AMOTL1: variants seen among roughly 807,000 people sequenced by gnomAD.
The protein encoded by AMOTL1 is angiomotin-like protein 1.
In AMOTL1, 45 loss-of-function variants were observed where a neutral mutation model predicts 102.9. The ratio of observed to expected loss-of-function variants is 0.44; its 90% CI spans 0.34 to 0.56. The LOEUF (loss-of-function observed/expected upper bound fraction) is 0.56. Ranked by LOEUF, AMOTL1 falls within the 20% of genes least tolerant of loss-of-function variation. The pLI is 0.01. For missense variants in AMOTL1, 1,114 were observed against 1,225.6 expected, an observed-to-expected ratio of 0.91 and a Z score of 1.36; for synonymous variants, 481 against 484.7, an observed-to-expected ratio of 0.99 and a Z score of 0.10.
intron 6 of AMOTL1, among the ~76,000 whole-genome samples, chr11:94,837,015 A>G (rs999429627): frequency 6.6e-6 from 1 of 152,162 alleles, no homozygotes; most frequent in Admixed American, 6.6e-5. Context: ...CTACACCATG[A>G]GCAAAGGGGA....
At position 94,795,075 on chromosome 11, in the gene AMOTL1, T is replaced by G. The variant is rs1326649751; in HGVS notation, c.114T>G (p.Phe38Leu). 6.2e-7 allele frequency: 1 copy of G among 1,613,882 alleles called. No individual in the cohort carries two copies. The highest frequency in any genetic ancestry group is 1.7e-5 in the Admixed American group (1 of 60,014). Reference sequence around the variant, plus strand: ...AGGTTCTAGAAGACTCCACCTACTTTTCCCCAGACTTTCAGCTCTATTCTG... The same window carrying G: ...AGGTTCTAGAAGACTCCACCTACTTGTCCCCAGACTTTCAGCTCTATTCTG... ...PVQVLEDSTY[F>L]SPDFQLYSGR... The change falls in exon 2 of 13, where the codon TTT becomes TTG. Residue 38 changes from phenylalanine to leucine, a missense_variant. Transcript: ENST00000433060.
intron 1 of AMOTL1, among the ~76,000 whole-genome samples, chr11:94,792,910 C>T (rs146428749): frequency 5.3e-5 from 8 of 152,178 alleles, no homozygotes; most frequent in Non-Finnish European, 1.0e-4. Context: ...GTTCTTAAAC[C>T]CACTCTTAGT....
intron 3 of AMOTL1, among the ~76,000 whole-genome samples, chr11:94,761,178 TTTC>T (rs1452161984): frequency 1.3e-5 from 2 of 150,078 alleles, no homozygotes; most frequent in East Asian, 4.0e-4. Flanking sequence ...ACTTAATTTT[TTTC>T]TTTTTTCTTT....
At position 94,736,014 on chromosome 11, in the gene AMOTL1, G is replaced by GT. The variant is rs553049973; in HGVS notation, c.86-4923dup. 2.1e-3 allele frequency among the ~76,000 whole-genome samples: 323 copies of GT among 152,256 alleles called. 1 individual carries two copies. The highest frequency in any genetic ancestry group is 7.4e-3 in the African/African-American group (309 of 41,558). On this transcript the variant is annotated intron_variant, in intron 2 of 4. Transcript: ENST00000299004. Reference sequence around the variant, plus strand: ...AGTGACCATTAGACACCAGGCCCCTGTATAATCTGTTTCTATGGTAAACTT... The same window carrying GT: ...AGTGACCATTAGACACCAGGCCCCTGTTATAATCTGTTTCTATGGTAAACTT...
At chr11:94,855,057 T>C (rs1356360755) in intron 8 of AMOTL1, among the ~76,000 whole-genome samples, 1 of 152,120 alleles carries the variant, frequency 6.6e-6, no homozygotes, top group Non-Finnish European at 1.5e-5. Flanking sequence ...TCACCCAGCA[T>C]GATGAGCAGA....
At chr11:94,730,994 G>C (rs1489261036) in intron 2 of AMOTL1, among the ~76,000 whole-genome samples, 1 of 152,176 alleles carries the variant, frequency 6.6e-6, no homozygotes, top group Non-Finnish European at 1.5e-5. Context: ...CTGTAACAAA[G>C]GGGTGGCTAA....
chr11:94,765,000 C>T (rs1950838882), upstream of AMOTL1, among the ~76,000 whole-genome samples: 1 of 152,190 alleles, frequency 6.6e-6, no homozygotes, highest in Non-Finnish European at 1.5e-5. Context: ...TCATTCTCCT[C>T]TATCCAGATG....
chr11:94,841,667 T>A (rs1952304927), intron 6 of AMOTL1, among the ~76,000 whole-genome samples: 1 of 152,220 alleles, frequency 6.6e-6, no homozygotes, highest in South Asian at 2.1e-4. Flanking sequence ...CAGTACATTT[T>A]TATTTCAAGT....
intron 3 of AMOTL1, among the ~76,000 whole-genome samples, chr11:94,751,208 C>G (rs1950649906): frequency 6.6e-6 from 1 of 152,088 alleles, no homozygotes; most frequent in Non-Finnish European, 1.5e-5. Context: ...GACTGGTAGG[C>G]ACTCAAAACT....
chr11:94,782,068 ATGAAGT>A (rs1359361600), intron 1 of AMOTL1, among the ~76,000 whole-genome samples: 1 of 152,178 alleles, frequency 6.6e-6, no homozygotes, highest in Non-Finnish European at 1.5e-5. Flanking sequence ...GGGAAGATAC[ATGAAGT>A]GCTTCCGCTG....
chr11:94,863,119 C>G (rs185851160), intron 9 of AMOTL1, among the ~76,000 whole-genome samples: 1 of 152,180 alleles, frequency 6.6e-6, no homozygotes, highest in Non-Finnish European at 1.5e-5. Flanking sequence ...GTTTCTTCAT[C>G]TAGAAATTGA....
chr11:94,789,251 T>A (rs1951241523), intron 1 of AMOTL1, among the ~76,000 whole-genome samples: 1 of 152,146 alleles, frequency 6.6e-6, no homozygotes, highest in Admixed American at 6.5e-5. Context: ...CTTTGCCTCC[T>A]GGGTTCAAGT....
chr11:94,799,727 G>A lies in AMOTL1; in HGVS notation c.537G>A (p.Thr179=), dbSNP rs758366567. 22 of 1,612,884 alleles carry A rather than the reference G, an allele frequency of 1.4e-5. No individual in the cohort carries two copies. Among genetic ancestry groups the A allele is most frequent in the East Asian group, 2.2e-5 (1 of 44,872 alleles). ...NTVMEKQVRS[T]QPQQNNEELP... is the part of the protein sequence containing the mutation. The stretch of plus-strand genomic sequence containing the variant: ...TGATGGAGAAACAGGTCCGGTCCAC[G>A]CAGCCTCAGCAGAACAACGAGGAAC... Residue 179 remains threonine (T), a synonymous_variant, in exon 3 of 13, where the codon ACG becomes ACA. Coordinates refer to ENST00000433060, the MANE Select transcript of AMOTL1 (RefSeq NM_130847.3). The surrounding 1 kb of genome is among the most constrained non-coding windows in gnomAD (Gnocchi z 4.5).
At chr11:94,784,984 A>G (rs995452375) in intron 1 of AMOTL1, among the ~76,000 whole-genome samples, 1 of 152,100 alleles carries the variant, frequency 6.6e-6, no homozygotes, top group African/African-American at 2.4e-5. Flanking sequence ...AAAAAAAAGA[A>G]AAGAAAAGAA....
chr11:94,852,600 G>A (rs548942266), intron 7 of AMOTL1, among the ~76,000 whole-genome samples: 73 of 152,242 alleles, frequency 4.8e-4, no homozygotes, highest in Admixed American at 6.5e-4. Flanking sequence ...AGAAAACAAA[G>A]TGTGAGAGTA....
rs772147460 is a variant in AMOTL1 at position 94,784,001 on chromosome 11, T to C, written c.50-11010T>C. 1.0e-3 allele frequency among the ~76,000 whole-genome samples: 157 copies of C among 152,288 alleles called. 1 individual carries two copies. Among genetic ancestry groups the C allele is most frequent in the Non-Finnish European group, 1.1e-3 (76 of 68,006 alleles). On this transcript the variant is annotated intron_variant, in intron 1 of 12. Coordinates refer to ENST00000433060, the MANE Select transcript of AMOTL1 (RefSeq NM_130847.3). ...CTTAGCCTTATGGCTATGAGCCCTG[T>C]GACCCAGGGCCTGTCATTCCTGTTT...
intron 1 of AMOTL1, among the ~76,000 whole-genome samples, chr11:94,708,339 G>A (rs1949965209): frequency 6.6e-6 from 1 of 152,188 alleles, no homozygotes; most frequent in Non-Finnish European, 1.5e-5. Flanking sequence ...AGGCCAGAAT[G>A]CGAGAGGATA....
chr11:94,837,408 G>A (rs1357290384), intron 6 of AMOTL1, among the ~76,000 whole-genome samples: 3 of 152,132 alleles, frequency 2.0e-5, no homozygotes, highest in Non-Finnish European at 4.4e-5. Flanking sequence ...ATCTATTTTG[G>A]CATGCACCTT....
intron 1 of AMOTL1, among the ~76,000 whole-genome samples, chr11:94,721,261 G>A (rs1950170838): frequency 6.6e-6 from 1 of 151,880 alleles, no homozygotes; most frequent in South Asian, 2.1e-4. Flanking sequence ...TTGAAGATTG[G>A]GATGGAAAAA....
Sources: gnomAD v4.1 joint callset for allele counts (sites outside exome capture counted in the v4.1 genomes callset) on GRCh38, gnomAD v4.1.1 for gene constraint, Gnocchi (gnomAD v3.1) non-coding constraint, MANE v1.5 for transcripts, NCBI Gene and HGNC (gene_info 2026-07-23, HGNC 2026-07-21) for gene names.